ZNF385D: variants seen among roughly 807,000 people sequenced by gnomAD.
The protein encoded by ZNF385D is zinc finger protein 659.
Under a neutral mutation model 35.8 loss-of-function variants are expected in ZNF385D, and 15 were observed. That is an observed-to-expected ratio of 0.42 (90% CI 0.28 to 0.64). The LOEUF is 0.64. ZNF385D is among the 30% of genes least tolerant of loss of function. ZNF385D has a pLI of 0.23. For synonymous variants in ZNF385D, 212 were observed against 186.8 expected, an observed-to-expected ratio of 1.13 and a Z score of -1.10; for missense variants, 474 against 494.6, an observed-to-expected ratio of 0.96 and a Z score of 0.39.
chr3:22,201,465 C>A (rs115189466), intron 2 of ZNF385D, among the ~76,000 whole-genome samples: 1 of 151,810 alleles, frequency 6.6e-6, no homozygotes, highest in Non-Finnish European at 1.5e-5. Flanking sequence ...GTCTTTTATA[C>A]GTCGGAAATA....
chr3:21,681,928 T>C (rs1427522726), intron 1 of ZNF385D, among the ~76,000 whole-genome samples: 4 of 149,610 alleles, frequency 2.7e-5, no homozygotes, highest in Non-Finnish European at 5.9e-5. Flanking sequence ...ATACCTGGAG[T>C]ATGTTTTATG....
intron 3 of ZNF385D, among the ~76,000 whole-genome samples, chr3:21,775,737 C>T (rs2071261637): frequency 6.6e-6 from 1 of 151,770 alleles, no homozygotes; most frequent in South Asian, 2.1e-4. Context: ...AATAATTAAT[C>T]ATTTTCTTAT....
chr3:22,014,832 A>G (rs1433968567), intron 3 of ZNF385D, among the ~76,000 whole-genome samples: 2 of 152,178 alleles, frequency 1.3e-5, no homozygotes, highest in Non-Finnish European at 2.9e-5. Context: ...TGGCTGACCA[A>G]AAGTAATTCT....
intron 3 of ZNF385D, among the ~76,000 whole-genome samples, chr3:21,922,533 T>C (rs1336836115): frequency 1.3e-5 from 2 of 152,026 alleles, no homozygotes; most frequent in Admixed American, 6.6e-5. Context: ...AAATAAGCAA[T>C]GAGGAAAGGA....
intron 2 of ZNF385D, among the ~76,000 whole-genome samples, chr3:21,568,080 C>CT (rs1165796469): frequency 6.6e-6 from 1 of 151,950 alleles, no homozygotes; most frequent in Admixed American, 6.6e-5. Flanking sequence ...ACTGAATTAC[C>CT]TTTTAAAATG....
At chr3:21,963,345 T>A (rs1381362775) in intron 3 of ZNF385D, among the ~76,000 whole-genome samples, 3 of 152,132 alleles carry the variant, frequency 2.0e-5, no homozygotes, top group African/African-American at 7.2e-5. Context: ...CAGTACTTAG[T>A]CTACTTTTTC....
In ZNF385D at chr3:21,428,933, C is replaced by CTTTTTTTTTTTTTTTTTTTTTTT. The variant is rs56827844; in HGVS notation, c.674-3264_674-3263insAAAAAAAAAAAAAAAAAAAAAAA. On this transcript the variant is annotated intron_variant, in intron 5 of 7. Coordinates refer to ENST00000281523, the MANE Select transcript of ZNF385D (RefSeq NM_024697.3). Reference sequence around the variant, plus strand: ...GCACGGCATAAGGCTCCAAGAAATCCTTTTTTTTTTTTGCTTTCTGCTTAA... The same window carrying CTTTTTTTTTTTTTTTTTTTTTTT: ...GCACGGCATAAGGCTCCAAGAAATCCTTTTTTTTTTTTTTTTTTTTTTTTTTTTTTTTTTTGCTTTCTGCTTAA... 2.1e-3 allele frequency among the ~76,000 whole-genome samples: 230 copies of CTTTTTTTTTTTTTTTTTTTTTTT among 111,806 alleles called. 15 individuals are homozygous for CTTTTTTTTTTTTTTTTTTTTTTT. Among genetic ancestry groups the CTTTTTTTTTTTTTTTTTTTTTTT allele is most frequent in the Middle Eastern group, 4.7e-3 (1 of 212 alleles). 73.3% of individuals were successfully genotyped at this position (111,806 alleles called of 152,430 possible). A position where few individuals can be genotyped will look rare whatever the true frequency, so the allele number is the denominator to read the frequency against.
intron 2 of ZNF385D, among the ~76,000 whole-genome samples, chr3:21,575,087 A>G (rs892993800): frequency 4.6e-5 from 7 of 152,212 alleles, no homozygotes; most frequent in African/African-American, 1.7e-4. Context: ...TTCTGTTATA[A>G]AATTTATCAT....
intron 2 of ZNF385D, among the ~76,000 whole-genome samples, chr3:22,185,093 G>A (rs182855171): frequency 1.7e-3 from 261 of 152,194 alleles, no homozygotes; most frequent in Non-Finnish European, 1.4e-3. Context: ...TCAGTTCACT[G>A]TATCTATAAT....
chr3:21,990,575 C>T (rs1014894469), intron 3 of ZNF385D, among the ~76,000 whole-genome samples: 1 of 152,008 alleles, frequency 6.6e-6, no homozygotes, highest in Non-Finnish European at 1.5e-5. Flanking sequence ...TATATTTGTA[C>T]TTAATATATG....
intron 2 of ZNF385D, among the ~76,000 whole-genome samples, chr3:22,198,937 C>T (rs1313887140): frequency 6.6e-6 from 1 of 152,198 alleles, no homozygotes; most frequent in South Asian, 2.1e-4. Context: ...AATGGAATTG[C>T]TGTACATTTC....
chr3:21,714,707 T>C (rs1024715349), intron 1 of ZNF385D, among the ~76,000 whole-genome samples: 4 of 152,252 alleles, frequency 2.6e-5, no homozygotes, highest in African/African-American at 9.6e-5. Flanking sequence ...CCTGATCCTA[T>C]ATCCATCTCC....
At chr3:21,681,705 A>AG (rs1028422285) in intron 1 of ZNF385D, among the ~76,000 whole-genome samples, 3 of 150,758 alleles carry the variant, frequency 2.0e-5, no homozygotes, top group Non-Finnish European at 3.0e-5. Context: ...AACGAAAAAA[A>AG]AAAAACAAAC....
chr3:21,981,810 T>C (rs2125371318), intron 3 of ZNF385D, among the ~76,000 whole-genome samples: 1 of 152,324 alleles, frequency 6.6e-6, no homozygotes, highest in South Asian at 2.1e-4. Context: ...CACCATTTAT[T>C]GAATAAGAAG....
At chr3:21,666,337 A>T (rs1015991946) in intron 1 of ZNF385D, among the ~76,000 whole-genome samples, 1 of 152,202 alleles carries the variant, frequency 6.6e-6, no homozygotes, top group African/African-American at 2.4e-5. Context: ...TTAATTAACC[A>T]TACACAAGAA....
At chr3:22,102,230 T>G (rs114458521) in intron 3 of ZNF385D, among the ~76,000 whole-genome samples, 1,766 of 152,144 alleles carry the variant, frequency 0.012, 14 homozygotes, top group Non-Finnish European at 0.017. Context: ...CAATGTTTTT[T>G]TGAGCACTTG....
chr3:21,671,448 C>A (rs530692491), intron 1 of ZNF385D, among the ~76,000 whole-genome samples: 108 of 152,156 alleles, frequency 7.1e-4, no homozygotes, highest in African/African-American at 2.5e-3. Context: ...TATATCTATT[C>A]ATTAATTGGC....
intron 2 of ZNF385D, among the ~76,000 whole-genome samples, chr3:22,205,672 A>AG (rs1224393360): frequency 6.6e-6 from 1 of 152,064 alleles, no homozygotes; most frequent in Non-Finnish European, 1.5e-5. Flanking sequence ...CAACAGTGTT[A>AG]AGTTGTCATC....
chr3:21,579,786 G>T (rs913464796), intron 2 of ZNF385D: 5 of 9,544 alleles, frequency 5.2e-4, no homozygotes, highest in South Asian at 3.7e-3. Context: ...GCCGTCTCTG[G>T]TGCCCTTTGT....
Sources: gnomAD v4.1 joint callset for allele counts (sites outside exome capture counted in the v4.1 genomes callset) on GRCh38, gnomAD v4.1.1 for gene constraint, MANE v1.5 for transcripts, NCBI Gene and HGNC (gene_info 2026-07-23, HGNC 2026-07-21) for gene names.